VOPP1: variants seen among roughly 807,000 people sequenced by gnomAD.
The protein encoded by VOPP1 is WW domain binding protein VOPP1.
Under a neutral mutation model 23.5 loss-of-function variants are expected in VOPP1, and 8 were observed. The observed-to-expected ratio is 0.34, with a 90% CI of 0.20 to 0.61. The LOEUF (loss-of-function observed/expected upper bound fraction) is 0.61, where lower values mean the gene tolerates loss of function less well. Among genes scored for constraint, VOPP1 ranks in the 20% least tolerant of loss-of-function variants. The pLI, the probability that VOPP1 is intolerant of heterozygous loss-of-function variation, is 0.78. For synonymous variants in VOPP1, 83 were observed against 97.3 expected (o/e 0.85, Z 0.86); for missense variants, 174 against 238.1 (o/e 0.73, Z 1.77).
At chr7:55,499,627 T>C (rs541577597) in intron 2 of VOPP1, among the ~76,000 whole-genome samples, 131 of 152,206 alleles carry the variant, frequency 8.6e-4, no homozygotes, top group African/African-American at 3.1e-3. Flanking sequence ...CACCGGCAGG[T>C]TGAGAGCACG....
At chr7:55,436,187 T>C (rs1320524190) in intron 4 of VOPP1, 2 of 152,194 alleles carry the variant, frequency 1.3e-5, no homozygotes, top group African/African-American at 4.8e-5. Flanking sequence ...ACAAAGAAAG[T>C]AATAAATACA....
chr7:55,458,821 G>A (rs1200458138), intron 4 of VOPP1, among the ~76,000 whole-genome samples: 2 of 152,068 alleles, frequency 1.3e-5, no homozygotes, highest in Non-Finnish European at 2.9e-5. Flanking sequence ...GCTATCTACA[G>A]AAAGAGACAA....
chr7:55,454,192 T>A (rs1171448633), intron 4 of VOPP1, among the ~76,000 whole-genome samples: 1 of 151,848 alleles, frequency 6.6e-6, no homozygotes, highest in African/African-American at 2.4e-5. Context: ...CATTAAAAAT[T>A]TTCTCTTCTA....
At chr7:55,572,221 C>A in intron 1 of VOPP1, 50 bp downstream of exon 1, 2 of 1,471,396 alleles carry the variant, frequency 1.4e-6, no homozygotes, top group Non-Finnish European at 9.0e-7. Context: ...CCCCAGCCGC[C>A]AGCATGGTGG....
At chr7:55,448,659 G>C (rs1484914105) in intron 4 of VOPP1, among the ~76,000 whole-genome samples, 1 of 152,356 alleles carries the variant, frequency 6.6e-6, no homozygotes, top group East Asian at 1.9e-4. Flanking sequence ...TCCAGAAAGG[G>C]AAGGGAGAGA....
At chr7:55,499,297 A>G (rs1357543262) in intron 2 of VOPP1, among the ~76,000 whole-genome samples, 1 of 152,200 alleles carries the variant, frequency 6.6e-6, no homozygotes, top group African/African-American at 2.4e-5. Context: ...TACTAAAAAT[A>G]CAAAAATTAG....
At position 55,472,858 on chromosome 7, in the gene VOPP1, C is replaced by T. The variant is rs951190556; in HGVS notation, c.516G>A (p.Lys172=). The T allele has an allele frequency of 2.3e-6, 3 of 1,283,702 alleles. No homozygotes were observed. Among genetic ancestry groups the T allele is most frequent in the East Asian group, 6.1e-5 (2 of 32,748 alleles). The allele number at this position is 1,283,702 out of a possible 1,614,324, so 79.5% of individuals were successfully genotyped here. The change falls in exon 5 of 5, where the codon AAG becomes AAA. Residue 172 remains lysine, a synonymous_variant. Coordinates refer to ENST00000285279, the MANE Select transcript of VOPP1 (RefSeq NM_030796.5). ...PPPYEQVVKA[K] is the part of the protein sequence containing the mutation. The stretch of plus-strand genomic sequence containing the variant: ...CCTCTTGCACGTGGGCACCCCACTA[C>T]TTGGCCTTCACTACCTGTTCGTACG...
chr7:55,454,833 AGC>A (rs1791327292), intron 4 of VOPP1, among the ~76,000 whole-genome samples: 1 of 152,260 alleles, frequency 6.6e-6, no homozygotes, highest in Non-Finnish European at 1.5e-5. Flanking sequence ...ACAAACCCAC[AGC>A]CAATATCATA....
downstream of VOPP1, among the ~76,000 whole-genome samples, chr7:55,435,848 G>A (rs981603273): frequency 1.3e-5 from 2 of 152,234 alleles, no homozygotes; most frequent in African/African-American, 4.8e-5. Flanking sequence ...GCCAGGCATT[G>A]TGCTGAGTGC....
intron 4 of VOPP1, among the ~76,000 whole-genome samples, chr7:55,441,133 C>T (rs1011749963): frequency 2.0e-5 from 3 of 152,184 alleles, no homozygotes; most frequent in Non-Finnish European, 4.4e-5. Flanking sequence ...CTCTAGGTTG[C>T]TTGCCGGCAC....
intron 2 of VOPP1, among the ~76,000 whole-genome samples, chr7:55,508,100 A>G (rs79319429): frequency 0.016 from 2,449 of 152,290 alleles, 83 homozygotes; most frequent in African/African-American, 0.056. Context: ...TAAAATCACT[A>G]ATATTAGCAG....
intron 1 of VOPP1, among the ~76,000 whole-genome samples, chr7:55,528,578 G>T (rs1033026400): frequency 2.0e-5 from 3 of 152,038 alleles, no homozygotes; most frequent in Non-Finnish European, 4.4e-5. Flanking sequence ...CCAGCTACTC[G>T]GGAGGCTGAG....
intron 3 of VOPP1, among the ~76,000 whole-genome samples, chr7:55,494,845 G>A (rs1386650812): frequency 6.6e-6 from 1 of 152,148 alleles, no homozygotes; most frequent in Admixed American, 6.5e-5. Flanking sequence ...GCAGGGTGTT[G>A]GCTGGGAGAG....
chr7:55,471,389 C>T lies in VOPP1; in HGVS notation c.*1466G>A, dbSNP rs1475319186. The T allele has an allele frequency of 6.6e-6, 1 of 152,332 alleles. No individual in the cohort carries two copies. The highest frequency in any genetic ancestry group is 1.5e-5 in the Non-Finnish European group (1 of 68,032). The allele number at this position is 152,332 out of a possible 1,614,324, so 9.4% of individuals were successfully genotyped here. A position where few individuals can be genotyped will look rare whatever the true frequency, so the allele number is the denominator to read the frequency against. ...ATGTCCTCAGAGTGAAAAGCATGGACACCAAATCACTCCGTATCCACTTCC... is the reference window on the plus strand; with the variant it reads ...ATGTCCTCAGAGTGAAAAGCATGGATACCAAATCACTCCGTATCCACTTCC... On this transcript the variant is annotated 3_prime_UTR_variant, in exon 5 of 5. Coordinates refer to ENST00000285279, the MANE Select transcript of VOPP1 (RefSeq NM_030796.5).
At chr7:55,493,182 T>C (rs538116028) in intron 3 of VOPP1, 17 of 152,332 alleles carry the variant, frequency 1.1e-4, no homozygotes, top group Admixed American at 7.8e-4. Flanking sequence ...CTTCCTTCCA[T>C]TCCTCACTTG....
intron 1 of VOPP1, chr7:55,539,431 A>G (rs1797008862): frequency 6.6e-6 from 1 of 151,928 alleles, no homozygotes; most frequent in Non-Finnish European, 1.5e-5. Flanking sequence ...AAAAAGGAAC[A>G]AGATCAACAC....
chr7:55,532,862 G>T lies in VOPP1; in HGVS notation c.55-11732C>A, dbSNP rs547131629. Among the ~76,000 whole-genome samples the T allele has an allele frequency of 2.0e-5, 3 of 152,222 alleles. No homozygotes were observed. In the South Asian group the frequency reaches 6.2e-4, roughly 32 times the overall value. ...AGTAATATGCATTTTCATTAAATCT[G>T]GTAATATTTAACCTGGAGTCAAAAA... On this transcript the variant is annotated intron_variant, in intron 1 of 4. Coordinates refer to ENST00000285279, the MANE Select transcript of VOPP1 (RefSeq NM_030796.5).
At chr7:55,567,211 T>A (rs1330669161) in intron 1 of VOPP1, among the ~76,000 whole-genome samples, 1 of 152,198 alleles carries the variant, frequency 6.6e-6, no homozygotes, top group African/African-American at 2.4e-5. Context: ...GAGTCCCTGC[T>A]CTGTGCCAGG....
intron 4 of VOPP1, among the ~76,000 whole-genome samples, chr7:55,443,253 T>A (rs529113871): frequency 6.6e-6 from 1 of 152,044 alleles, no homozygotes; most frequent in South Asian, 2.1e-4. Flanking sequence ...ACAAACAATT[T>A]TTAAAAAACA....
Sources: gnomAD v4.1 joint callset for allele counts (sites outside exome capture counted in the v4.1 genomes callset) on GRCh38, gnomAD v4.1.1 for gene constraint, MANE v1.5 for transcripts, NCBI Gene and HGNC (gene_info 2026-07-23, HGNC 2026-07-21) for gene names.